RCL1: variants seen among roughly 807,000 people sequenced by gnomAD.
RCL1 encodes RNA 3'-terminal phosphate cyclase-like protein.
In RCL1, 24 loss-of-function variants were observed where a neutral mutation model predicts 42.4. That is an observed-to-expected ratio of 0.57 (90% CI 0.41 to 0.80). The LOEUF (loss-of-function observed/expected upper bound fraction) is 0.80, where lower values mean the gene tolerates loss of function less well. RCL1 is among the 30% of genes least tolerant of loss of function. The pLI, the probability that RCL1 is intolerant of heterozygous loss-of-function variation, is 0.00. For missense variants in RCL1, 578 were observed against 467.9 expected, an observed-to-expected ratio of 1.24 and a Z score of -2.17; for synonymous variants, 228 against 177.3, an observed-to-expected ratio of 1.29 and a Z score of -2.27.
chr9:4,815,856 T>C (rs1816356446), intron 1 of RCL1, among the ~76,000 whole-genome samples: 1 of 152,064 alleles, frequency 6.6e-6, no homozygotes, highest in African/African-American at 2.4e-5. Flanking sequence ...AAGGTATTGA[T>C]AGGGATCGCT....
intron 1 of RCL1, among the ~76,000 whole-genome samples, chr9:4,823,321 T>A (rs1816655623): frequency 6.6e-6 from 1 of 151,338 alleles, no homozygotes; most frequent in Non-Finnish European, 1.5e-5. Flanking sequence ...GAAAGCTGAA[T>A]TGTTTCTAAG....
intron 1 of RCL1, among the ~76,000 whole-genome samples, chr9:4,814,556 A>G (rs1311962495): frequency 1.3e-5 from 2 of 152,140 alleles, no homozygotes; most frequent in Admixed American, 1.3e-4. Flanking sequence ...CATGAGCCAC[A>G]GTACTTAGCC....
In RCL1 at chr9:4,817,912, A is replaced by ATTTTT. The variant is rs66886360; in HGVS notation, c.137-5615_137-5611dup. Among the ~76,000 whole-genome samples, 178 of 78,334 alleles carry ATTTTT rather than the reference A, an allele frequency of 2.3e-3. 1 individual carries two copies. The highest frequency in any genetic ancestry group is 5.4e-3 in the East Asian group (12 of 2,210). The allele number at this position is 78,334 out of a possible 152,430, so 51.4% of individuals were successfully genotyped here. On this transcript the variant is annotated intron_variant, in intron 1 of 8. Transcript: ENST00000381750. ...TTCATTTTGCTCTTACTTTTCTAAGATTTTTTTTTTTTTTTTTTTTTTTTT... is the reference window on the plus strand; with the variant it reads ...TTCATTTTGCTCTTACTTTTCTAAGATTTTTTTTTTTTTTTTTTTTTTTTTTTTTT...
At chr9:4,829,386 C>G (rs889907088) in intron 3 of RCL1, among the ~76,000 whole-genome samples, 1 of 152,130 alleles carries the variant, frequency 6.6e-6, no homozygotes, top group African/African-American at 2.4e-5. Flanking sequence ...GATTTCTGTC[C>G]TGGTTGCAAT....
At position 4,818,396 on chromosome 9, in the gene RCL1, A is replaced by G. The variant is rs78910516; in HGVS notation, c.137-5152A>G. 4.8e-3 allele frequency among the ~76,000 whole-genome samples: 734 copies of G among 152,262 alleles called. 18 individuals are homozygous for G. The highest frequency in any genetic ancestry group is 0.033 in the Admixed American group (507 of 15,288). On this transcript the variant is annotated intron_variant, in intron 1 of 8. Coordinates refer to ENST00000381750, the MANE Select transcript of RCL1 (RefSeq NM_005772.5). ...TACATTAAAATATTTTTTATTTATC[A>G]CATTGTATATAATAATGCACATATA... is the stretch of plus-strand genomic sequence containing the variant.
chr9:4,859,087 G>A (rs1818067216), intron 8 of RCL1, among the ~76,000 whole-genome samples: 1 of 152,154 alleles, frequency 6.6e-6, no homozygotes, highest in South Asian at 2.1e-4. Context: ...AACTGTTCAG[G>A]TGAGTCTTAT....
At chr9:4,834,330 G>A in intron 5 of RCL1, 65 bp downstream of exon 5, 1 of 1,529,610 alleles carries the variant, frequency 6.5e-7, no homozygotes, top group Non-Finnish European at 8.9e-7. Context: ...AGATAAGAAT[G>A]ACTAACAGCT....
At chr9:4,820,447 T>TCA (rs1816554661) in intron 1 of RCL1, among the ~76,000 whole-genome samples, 1 of 152,234 alleles carries the variant, frequency 6.6e-6, no homozygotes, top group Non-Finnish European at 1.5e-5. Context: ...TGATCAGGGA[T>TCA]GGTCCTGCCT....
chr9:4,833,200 G>T lies in RCL1; in HGVS notation c.431G>T (p.Gly144Val). Residue 144 changes from glycine (G) to valine (V), a missense_variant, in exon 4 of 9, where the codon GGG (glycine) becomes GTG (valine). Gly to Val is a moderately radical substitution (Grantham distance 109). Coordinates refer to ENST00000381750, the MANE Select transcript of RCL1 (RefSeq NM_005772.5). ...ATALPLLKQFGIDGESFELKI... is the reference protein window; with the variant it reads ...ATALPLLKQFVIDGESFELKI... Reference sequence around the variant, plus strand: ...GCACTCCCTTTGTTGAAACAATTTGGGATTGATGGTGAATCATTTGAACTG... The same window carrying T: ...GCACTCCCTTTGTTGAAACAATTTGTGATTGATGGTGAATCATTTGAACTG... 7 of 1,613,022 alleles carry T rather than the reference G, an allele frequency of 4.3e-6. No individual in the cohort carries two copies. The highest frequency in any genetic ancestry group is 5.9e-6 in the Non-Finnish European group (7 of 1,178,994).
At chr9:4,828,403 T>C (rs1816838132) in intron 3 of RCL1, among the ~76,000 whole-genome samples, 2 of 152,184 alleles carry the variant, frequency 1.3e-5, no homozygotes, top group African/African-American at 4.8e-5. Context: ...AATATGTTCT[T>C]AGGCAATAAA....
chr9:4,833,508 C>T (rs1303887162), intron 4 of RCL1, among the ~76,000 whole-genome samples: 5 of 152,200 alleles, frequency 3.3e-5, no homozygotes, highest in East Asian at 3.9e-4. Flanking sequence ...ACAACAGCTC[C>T]GCCCATGTGC....
chr9:4,823,118 T>G (rs1816649533), intron 1 of RCL1, among the ~76,000 whole-genome samples: 1 of 152,128 alleles, frequency 6.6e-6, no homozygotes, highest in Non-Finnish European at 1.5e-5. Context: ...AATTTAATCT[T>G]TCCTTCCAGG....
chr9:4,794,803 C>T (rs1179975635), intron 1 of RCL1, among the ~76,000 whole-genome samples: 4 of 152,100 alleles, frequency 2.6e-5, no homozygotes, highest in Non-Finnish European at 5.9e-5. Flanking sequence ...TGTATGTGAG[C>T]ATCTCTTCAA....
chr9:4,804,224 T>A (rs192062166), intron 1 of RCL1: 1 of 152,804 alleles, frequency 6.5e-6, no homozygotes, highest in Admixed American at 6.5e-5. Context: ...TGCTCAGCAG[T>A]TCCTTGGGAC....
At chr9:4,846,780 A>G (rs1195144388) in intron 7 of RCL1, among the ~76,000 whole-genome samples, 2 of 152,218 alleles carry the variant, frequency 1.3e-5, no homozygotes, top group East Asian at 3.8e-4. Context: ...GGGCACAGCT[A>G]GAGTGTGGGG....
chr9:4,844,066 T>C (rs1817426433), intron 6 of RCL1, among the ~76,000 whole-genome samples: 2 of 152,188 alleles, frequency 1.3e-5, no homozygotes, highest in South Asian at 2.1e-4. Flanking sequence ...TTCTTCTATA[T>C]AGTGAGCTCA....
intron 8 of RCL1, among the ~76,000 whole-genome samples, chr9:4,857,036 C>T (rs192042132): frequency 6.6e-6 from 1 of 152,200 alleles, no homozygotes; most frequent in African/African-American, 2.4e-5. Context: ...GAACCAGGAT[C>T]AGTTGTTTTA....
intron 1 of RCL1, among the ~76,000 whole-genome samples, chr9:4,813,771 A>G (rs1816266607): frequency 6.6e-6 from 1 of 152,234 alleles, no homozygotes; most frequent in African/African-American, 2.4e-5. Flanking sequence ...CACAATAGGA[A>G]AGACTTGGAA....
chr9:4,810,995 T>C (rs1355807926), intron 1 of RCL1, among the ~76,000 whole-genome samples: 2 of 152,150 alleles, frequency 1.3e-5, no homozygotes, highest in Non-Finnish European at 2.9e-5. Context: ...AATGATAAAA[T>C]CAGGGTAGTT....
Sources: allele counts gnomAD v4.1 joint callset (sites outside exome capture counted in the v4.1 genomes callset), GRCh38; gene constraint gnomAD v4.1.1; transcripts MANE v1.5; gene names NCBI Gene and HGNC (gene_info 2026-07-23, HGNC 2026-07-21).